Variants in PCNX1 observed in about 807,000 individuals in gnomAD.
PCNX1 encodes pecanex-like protein 1.
PCNX1 carries 78 observed loss-of-function variants against 242.2 expected under a neutral mutation model. The observed-to-expected ratio is 0.32, with a 90% CI of 0.27 to 0.39. PCNX1 has a LOEUF of 0.39. PCNX1 is among the 10% of genes least tolerant of loss of function. PCNX1 has a pLI of 1.00. For synonymous variants in PCNX1, 1,024 were observed against 1,032.9 expected (o/e 0.99, Z 0.17); for missense variants, 2,581 against 2,856.5 (o/e 0.90, Z 2.20).
Position 71,011,542 on chromosome 14 carries a change from A to G in PCNX1, c.2771A>G (p.His924Arg). ...TCTACCTCAGTTCGATTTTATCCAC[A>G]TGATGTGGTAGGTTTTTCTTTATTT... ...SSSTSVRFYP[H>R]DVLSLPQIRL... is the part of the protein sequence containing the mutation. Residue 924 changes from histidine (H) to arginine (R), a missense_variant, in exon 10 of 36, where the codon CAT becomes CGT. Around this residue, in one of 9 missense-constraint regions of PCNX1, gnomAD observed 1,204 missense variants for 1,216.7 expected, o/e 0.99. Transcript: ENST00000304743. 1 of 1,530,128 alleles carries G rather than the reference A, an allele frequency of 6.5e-7. No individual in the cohort carries two copies. Among genetic ancestry groups the G allele is most frequent in the Non-Finnish European group, 9.0e-7 (1 of 1,106,464 alleles). 94.8% of individuals were successfully genotyped at this position (1,530,128 alleles called of 1,614,324 possible). A position where few individuals can be genotyped will look rare whatever the true frequency, so the allele number is the denominator to read the frequency against.
intron 28 of PCNX1, chr14:71,085,946 T>C (rs1319154007): frequency 6.3e-6 from 1 of 158,528 alleles, no homozygotes; most frequent in African/African-American, 2.4e-5. Flanking sequence ...GAACTCCAAT[T>C]ATATTTGTAT....
chr14:70,937,509 C>G (rs990775025), intron 1 of PCNX1, among the ~76,000 whole-genome samples: 1 of 151,726 alleles, frequency 6.6e-6, no homozygotes, highest in Non-Finnish European at 1.5e-5. Flanking sequence ...GTTTTGGTAC[C>G]AGGACCATGC....
intron 30 of PCNX1, 65 bp downstream of exon 30, chr14:71,089,407 A>G (rs2062071117): frequency 3.3e-6 from 4 of 1,202,784 alleles, no homozygotes; most frequent in East Asian, 2.4e-5. Context: ...CATGATTTCA[A>G]TATTAGTCCA....
chr14:70,929,880 G>A (rs997030743), intron 1 of PCNX1, among the ~76,000 whole-genome samples: 10 of 152,088 alleles, frequency 6.6e-5, no homozygotes, highest in East Asian at 5.8e-4. Flanking sequence ...AAGGATATAC[G>A]TAACATTTTA....
intron 7 of PCNX1, among the ~76,000 whole-genome samples, chr14:70,989,293 T>C (rs552315804): frequency 6.6e-6 from 1 of 151,656 alleles, no homozygotes; most frequent in South Asian, 2.1e-4. Flanking sequence ...TTTATATATA[T>C]TTATTAAATT....
intron 24 of PCNX1, 107 bp downstream of exon 24, chr14:71,052,119 A>T: frequency 1.2e-6 from 1 of 841,538 alleles, no homozygotes; most frequent in Non-Finnish European, 1.7e-6. Context: ...TTGTGTTGAA[A>T]TATTTATTTT....
intron 27 of PCNX1, among the ~76,000 whole-genome samples, chr14:71,074,807 C>T (rs1168585830): frequency 6.6e-6 from 1 of 152,094 alleles, no homozygotes. Flanking sequence ...CCAAACCCCT[C>T]GTTGGGCAAG....
chr14:71,051,190 A>C (rs911994405), intron 23 of PCNX1, among the ~76,000 whole-genome samples: 1 of 149,884 alleles, frequency 6.7e-6, no homozygotes, highest in Non-Finnish European at 1.5e-5. Flanking sequence ...AAAAAAAAAA[A>C]AAAAAAAATC....
chr14:71,046,003 A>G (rs976574716), intron 20 of PCNX1, among the ~76,000 whole-genome samples: 11 of 152,112 alleles, frequency 7.2e-5, no homozygotes, highest in African/African-American at 9.7e-5. Flanking sequence ...GTCATAATTT[A>G]TTATATACCA....
At chr14:71,017,627 A>G (rs1242535997) in intron 11 of PCNX1, among the ~76,000 whole-genome samples, 1 of 152,244 alleles carries the variant, frequency 6.6e-6, no homozygotes, top group Non-Finnish European at 1.5e-5. Context: ...AAACAAGATC[A>G]TTAAAACAAA....
At chr14:70,957,926 A>G (rs1303912004) in intron 2 of PCNX1, among the ~76,000 whole-genome samples, 1 of 152,142 alleles carries the variant, frequency 6.6e-6, no homozygotes, top group Non-Finnish European at 1.5e-5. Flanking sequence ...TTTGCTCTCC[A>G]TCTTCTGTTT....
chr14:71,008,043 C>CT (rs1463071687), intron 8 of PCNX1, among the ~76,000 whole-genome samples: 19 of 151,976 alleles, frequency 1.3e-4, no homozygotes, highest in African/African-American at 4.6e-4. Flanking sequence ...CACAGAAAAC[C>CT]TTTTTTTCCC....
intron 8 of PCNX1, among the ~76,000 whole-genome samples, chr14:71,008,799 C>T (rs1462149297): frequency 1.3e-5 from 2 of 151,532 alleles, no homozygotes; most frequent in Non-Finnish European, 2.9e-5. Context: ...TCATTGCCTT[C>T]GTGGAAATTT....
chr14:70,954,223 G>C (rs1314787608), intron 2 of PCNX1, among the ~76,000 whole-genome samples: 1 of 152,066 alleles, frequency 6.6e-6, no homozygotes, highest in Non-Finnish European at 1.5e-5. Context: ...TTTCATTTCT[G>C]GTGGCTTGTT....
chr14:70,931,309 C>T (rs1444833901), intron 1 of PCNX1, among the ~76,000 whole-genome samples: 1 of 152,164 alleles, frequency 6.6e-6, no homozygotes, highest in East Asian at 1.9e-4. Context: ...GCCAATTGGC[C>T]ATCTTAAGAG....
intron 7 of PCNX1, among the ~76,000 whole-genome samples, chr14:70,994,109 T>G (rs913060215): frequency 6.6e-6 from 1 of 152,074 alleles, no homozygotes; most frequent in Non-Finnish European, 1.5e-5. Flanking sequence ...CTGCCTGGAA[T>G]GTGTACTTTT....
At chr14:70,998,489 G>A (rs955126589) in intron 8 of PCNX1, among the ~76,000 whole-genome samples, 4 of 152,032 alleles carry the variant, frequency 2.6e-5, no homozygotes, top group African/African-American at 9.7e-5. Context: ...GGTGGCTCAT[G>A]CCTGTACTCC....
At chr14:71,033,296 C>A in intron 16 of PCNX1, 133 bp from the exon 17 acceptor site, 1 of 545,002 alleles carries the variant, frequency 1.8e-6, no homozygotes. Context: ...GAATAAAATG[C>A]AATTAATAAC....
chr14:70,987,720 G>C (rs1595148694), intron 6 of PCNX1, among the ~76,000 whole-genome samples: 4 of 152,214 alleles, frequency 2.6e-5, no homozygotes, highest in Admixed American at 2.0e-4. Flanking sequence ...CAATTTTTGT[G>C]GTTTTGTAAG....
Sources: allele counts gnomAD v4.1 joint callset (sites outside exome capture counted in the v4.1 genomes callset), GRCh38; gene constraint gnomAD v4.1.1; regional missense constraint gnomAD v4.1.1; transcripts MANE v1.5; gene names NCBI Gene and HGNC (gene_info 2026-07-23, HGNC 2026-07-21).